SEZ6L: variants seen among roughly 807,000 people sequenced by gnomAD.
SEZ6L encodes the protein seizure related 6 homolog like.
In SEZ6L, 37 loss-of-function variants were observed where a neutral mutation model predicts 106.2. That is an observed-to-expected ratio of 0.35 (90% CI 0.27 to 0.46). The LOEUF (loss-of-function observed/expected upper bound fraction) is 0.46. SEZ6L is among the 20% of genes least tolerant of loss of function. The probability of loss-of-function intolerance (pLI) is 1.00; values close to 1 mark genes in which losing one functional copy is unlikely to be tolerated. For missense variants in SEZ6L, 1,172 were observed against 1,332.8 expected, an observed-to-expected ratio of 0.88 and a Z score of 1.88; for synonymous variants, 541 against 570.4, an observed-to-expected ratio of 0.95 and a Z score of 0.73.
intron 9 of SEZ6L, among the ~76,000 whole-genome samples, chr22:26,330,282 G>A (rs1051395766): frequency 5.3e-5 from 8 of 152,040 alleles, no homozygotes; most frequent in Admixed American, 3.9e-4. Context: ...GAGCTTAAGC[G>A]TGTTTCCTCA....
chr22:26,288,251 A>G (rs1185585373), intron 1 of SEZ6L, among the ~76,000 whole-genome samples: 2 of 152,226 alleles, frequency 1.3e-5, no homozygotes, highest in African/African-American at 2.4e-5. Flanking sequence ...TGAGGAACAC[A>G]TAGTAAGTCA....
At position 26,197,245 on chromosome 22, in the gene SEZ6L, C is replaced by T. The variant is rs145796575; in HGVS notation, c.94+27482C>T. 5.1e-4 allele frequency among the ~76,000 whole-genome samples: 77 copies of T among 152,240 alleles called. 1 individual carries two copies. The highest frequency in any genetic ancestry group is 3.4e-3 in the Middle Eastern group (1 of 294). The stretch of plus-strand genomic sequence containing the variant: ...TGTGAGGCACTTACTATCTTGTTCC[C>T]TATTGATTCCCAGCAACTAAGCCTG... On this transcript the variant is annotated intron_variant, in intron 1 of 16. Coordinates refer to ENST00000248933, the MANE Select transcript of SEZ6L (RefSeq NM_021115.5).
intron 1 of SEZ6L, among the ~76,000 whole-genome samples, chr22:26,239,156 T>C (rs2079037755): frequency 6.6e-6 from 1 of 152,174 alleles, no homozygotes; most frequent in African/African-American, 2.4e-5. Flanking sequence ...TCCAGGAATC[T>C]GATGATGCAG....
At chr22:26,191,903 G>T (rs1940245146) in intron 1 of SEZ6L, among the ~76,000 whole-genome samples, 1 of 152,102 alleles carries the variant, frequency 6.6e-6, no homozygotes, top group South Asian at 2.1e-4. Context: ...AAATTTAAAT[G>T]TCTTTAATGA....
rs2081795315 is a variant in SEZ6L at position 26,310,705 on chromosome 22, C to G, written c.1550C>G (p.Ala517Gly). The stretch of plus-strand genomic sequence containing the variant: ...CACAGCGGGCAGACCAACAAGTCAG[C>G]TCTTCTCTACGACTCCCTTCAAACC... ...TVHSGQTNKS[A>G]LLYDSLQTES... Residue 517 changes from alanine to glycine, a missense_variant, in exon 7 of 17, where the codon GCT becomes GGT. Ala to Gly is a moderately conservative substitution (Grantham distance 60). This residue lies in a region of SEZ6L where 534 missense variants were observed against 691.0 expected (regional missense o/e 0.77). Transcript: ENST00000248933. 1.2e-6 allele frequency: 2 copies of G among 1,614,168 alleles called. No individual in the cohort carries two copies. Among genetic ancestry groups the G allele is most frequent in the South Asian group, 2.2e-5 (2 of 91,074 alleles).
chr22:26,370,794 A>G (rs2084004559), intron 13 of SEZ6L, among the ~76,000 whole-genome samples: 2 of 152,100 alleles, frequency 1.3e-5, no homozygotes. Context: ...ACTTGAGCCC[A>G]GGAGTTCGAG....
Position 26,292,936 on chromosome 22 carries a change from C to G in SEZ6L, c.625C>G (p.Pro209Ala). 1 of 1,614,180 alleles carries G rather than the reference C, an allele frequency of 6.2e-7. No homozygotes were observed. The highest frequency in any genetic ancestry group is 8.5e-7 in the Non-Finnish European group (1 of 1,180,022). Residue 209 changes from proline to alanine, a missense_variant, in exon 2 of 17, where the codon CCC (proline) becomes GCC (alanine). Pro to Ala is a conservative substitution (Grantham distance 27). This residue lies in a region of SEZ6L where 494 missense variants were observed against 445.8 expected (regional missense o/e 1.11). Coordinates refer to ENST00000248933, the MANE Select transcript of SEZ6L (RefSeq NM_021115.5). ...PLQISPFTSQPYVAHTLPQRP... is the reference protein window; with the variant it reads ...PLQISPFTSQAYVAHTLPQRP... ...GCAAATCTCCCCCTTCACTTCGCAG[C>G]CCTATGTGGCCCACACACTCCCCCA...
At chr22:26,170,629 G>T (rs1028101875) in intron 1 of SEZ6L, among the ~76,000 whole-genome samples, 12 of 152,128 alleles carry the variant, frequency 7.9e-5, no homozygotes, top group African/African-American at 2.4e-4. Context: ...AAAGTTATGG[G>T]TGGGGGAGAG....
chr22:26,294,933 CTCTTTCTTTCTTTCTT>C (rs35822818), intron 3 of SEZ6L, among the ~76,000 whole-genome samples: 2 of 73,784 alleles, frequency 2.7e-5, no homozygotes, highest in Non-Finnish European at 6.4e-5. Context: ...CTTTCTCTTT[CTCTTTCTTTCTTTCTT>C]TCTTTCTTTC....
intron 12 of SEZ6L, among the ~76,000 whole-genome samples, chr22:26,355,371 T>G (rs1226754731): frequency 6.6e-6 from 1 of 152,116 alleles, no homozygotes; most frequent in Non-Finnish European, 1.5e-5. Context: ...TGGGCAAACC[T>G]CTGGTGCTTA....
intron 5 of SEZ6L, among the ~76,000 whole-genome samples, chr22:26,300,866 A>G (rs1362322082): frequency 2.0e-5 from 3 of 152,054 alleles, no homozygotes; most frequent in Non-Finnish European, 4.4e-5. Context: ...TGATCACTAG[A>G]CCCTTATCAG....
intron 1 of SEZ6L, among the ~76,000 whole-genome samples, chr22:26,262,244 T>TTATCTATCTATC (rs58457773): frequency 0.29 from 42,256 of 144,054 alleles, 6,464 homozygotes; most frequent in Non-Finnish European, 0.32. Flanking sequence ...TTGATATATT[T>TTATCTATCTATC]TATCTATCTA....
intron 5 of SEZ6L, among the ~76,000 whole-genome samples, chr22:26,305,179 G>T (rs926106100): frequency 2.0e-5 from 3 of 152,164 alleles, no homozygotes; most frequent in Admixed American, 1.3e-4. Flanking sequence ...TGTGGCACAT[G>T]ATGTATTTCA....
rs764569169 is a variant in SEZ6L, at chr22:26,347,858, C to T, written c.2352C>T (p.Thr784=). The T allele has an allele frequency of 6.3e-7, 1 of 1,597,612 alleles. No homozygotes were observed. The highest frequency in any genetic ancestry group is 8.5e-7 in the Non-Finnish European group (1 of 1,174,930). ...DPGYDIVGSD[T]LTCQWDLSWS... is the part of the protein sequence containing the mutation. The stretch of plus-strand genomic sequence containing the variant: ...GCTATGACATCGTGGGGAGTGACAC[C>T]CTCACCTGCCAGTGGGACCTCAGCT... Residue 784 remains threonine (T), a synonymous_variant, in exon 11 of 17, where the codon ACC becomes ACT. Transcript: ENST00000248933.
intron 9 of SEZ6L, among the ~76,000 whole-genome samples, chr22:26,327,490 A>G (rs1173887435): frequency 7.2e-6 from 1 of 138,152 alleles, no homozygotes; most frequent in African/African-American, 2.8e-5. Context: ...CACACACCAC[A>G]TGACACTACA....
intron 9 of SEZ6L, among the ~76,000 whole-genome samples, chr22:26,330,386 AAG>A (rs1483218118): frequency 2.0e-5 from 3 of 152,322 alleles, no homozygotes; most frequent in African/African-American, 7.2e-5. Flanking sequence ...GGTGCATGTA[AAG>A]TGCCTTGAAA....
At chr22:26,197,068 T>C (rs928170078) in intron 1 of SEZ6L, among the ~76,000 whole-genome samples, 4 of 152,234 alleles carry the variant, frequency 2.6e-5, no homozygotes, top group African/African-American at 9.6e-5. Context: ...TAGGTATAGC[T>C]ACACCCACTT....
chr22:26,244,247 T>C (rs1321304693), intron 1 of SEZ6L: 2 of 152,136 alleles, frequency 1.3e-5, no homozygotes, highest in African/African-American at 4.8e-5. Flanking sequence ...AAAGAAGCTG[T>C]GAACCTTGCA....
chr22:26,338,568 A>T (rs922006627), intron 9 of SEZ6L, among the ~76,000 whole-genome samples: 19 of 142,812 alleles, frequency 1.3e-4, no homozygotes, highest in Non-Finnish European at 2.5e-4. Context: ...AAAAAAAAAA[A>T]ATTTTTTTTG....
Sources: gnomAD v4.1 joint callset for allele counts (sites outside exome capture counted in the v4.1 genomes callset) on GRCh38, gnomAD v4.1.1 for gene constraint, gnomAD v4.1.1 regional missense constraint, MANE v1.5 for transcripts, NCBI Gene and HGNC (gene_info 2026-07-23, HGNC 2026-07-21) for gene names.